CTSD: variants seen among roughly 807,000 people sequenced by gnomAD.
CTSD encodes ceroid-lipofuscinosis, neuronal 10.
In CTSD, 28 loss-of-function variants were observed where a neutral mutation model predicts 43.6. That is an observed-to-expected ratio of 0.64 (90% CI 0.48 to 0.88). The LOEUF is 0.88. Among genes scored for constraint, CTSD ranks in the 40% least tolerant of loss-of-function variants. The pLI is 0.00. For synonymous variants in CTSD, 270 were observed against 249.8 expected, an observed-to-expected ratio of 1.08 and a Z score of -0.76; for missense variants, 485 against 555.2, an observed-to-expected ratio of 0.87 and a Z score of 1.27.
In CTSD at chr11:1,753,687, G is replaced by A. The variant is rs370438082; in HGVS notation, c.1072-17C>T. On this transcript the variant is annotated splice_polypyrimidine_tract_variant and intron_variant, in intron 8 of 8. Coordinates refer to ENST00000236671, the MANE Select transcript of CTSD (RefSeq NM_001909.5). The stretch of plus-strand genomic sequence containing the variant: ...CTGCGACACCTGGGACGGCCCTGGT[G>A]GTCAGTACCCAGGCCTAGCACCACC... 6 of 1,612,256 alleles carry A rather than the reference G, an allele frequency of 3.7e-6. No individual in the cohort carries two copies. In the African/African-American group the frequency reaches 5.3e-5, roughly 14 times the overall value.
In CTSD at chr11:1,759,094, C is replaced by T. The variant is rs1438596750; in HGVS notation, c.353-7G>A. Reference sequence around the variant, plus strand: ...TTGTACTTGTGGTGGATCCCTGCCCCGGGCGACAAGGGGGCCCGCCGGTCA... The same window carrying T: ...TTGTACTTGTGGTGGATCCCTGCCCTGGGCGACAAGGGGGCCCGCCGGTCA... On this transcript the variant is annotated splice_polypyrimidine_tract_variant and splice_region_variant and intron_variant, in intron 3 of 8. Coordinates refer to ENST00000236671, the MANE Select transcript of CTSD (RefSeq NM_001909.5). 4 of 1,606,182 alleles carry T rather than the reference C, an allele frequency of 2.5e-6. No individual in the cohort carries two copies. The highest frequency in any genetic ancestry group is 2.6e-6 in the Non-Finnish European group (3 of 1,172,942).
In CTSD at chr11:1,753,105, C is replaced by T. The variant is rs776662882; in HGVS notation, c.*398G>A. ...CAGGGCAGGTTTCCAAGGGAGGGCC[C>T]GGGAGGACGGCCTGGTGTGGGGTAG... On this transcript the variant is annotated 3_prime_UTR_variant, in exon 9 of 9. Transcript: ENST00000236671. 5.9e-5 allele frequency: 19 copies of T among 319,858 alleles called. No homozygotes were observed. In the East Asian group the frequency reaches 7.1e-4, roughly 12 times the overall value. The allele number at this position is 319,858 out of a possible 1,614,324, so 19.8% of individuals were successfully genotyped here.
chr11:1,761,195 G>C, intron 2 of CTSD, 114 bp downstream of exon 2: 15 of 1,207,946 alleles, frequency 1.2e-5, no homozygotes, highest in Non-Finnish European at 1.8e-5. Context: ...CCGTGGCCAG[G>C]TGAGCCACTC....
intron 5 of CTSD, chr11:1,755,302 C>T (rs1471588203): frequency 1.2e-5 from 6 of 506,632 alleles, no homozygotes; most frequent in African/African-American, 1.2e-4. Context: ...AAGGTTCAGC[C>T]AGACATCAGG....
chr11:1,755,066 C>A (rs1299479280), intron 5 of CTSD, 38 bp from the exon 6 acceptor site: 7 of 1,612,708 alleles, frequency 4.3e-6, no homozygotes, highest in Middle Eastern at 3.3e-4. Context: ...CCACGCCACC[C>A]CCCAAGCACA....
intron 5 of CTSD, among the ~76,000 whole-genome samples, chr11:1,756,986 C>T (rs1164844708): frequency 6.6e-6 from 1 of 152,190 alleles, no homozygotes; most frequent in African/African-American, 2.4e-5. Context: ...GTCTGGGGAC[C>T]GACGGGCCGA....
In CTSD at chr11:1,763,876, T is replaced by C. The variant is rs1234083260; in HGVS notation, c.-17A>G. Reference sequence around the variant, plus strand: ...GGGCTGCATGGCGGCGGCGGCCGGGTCGGAGAGGGTCGCCGAGGCCGTGCG... The same window carrying C: ...GGGCTGCATGGCGGCGGCGGCCGGGCCGGAGAGGGTCGCCGAGGCCGTGCG... On this transcript the variant is annotated 5_prime_UTR_variant, in exon 1 of 9. Coordinates refer to ENST00000236671, the MANE Select transcript of CTSD (RefSeq NM_001909.5). The C allele has an allele frequency of 6.6e-7, 1 of 1,519,766 alleles. No individual in the cohort carries two copies. The allele number at this position is 1,519,766 out of a possible 1,614,324, so 94.1% of individuals were successfully genotyped here. A position where few individuals can be genotyped will look rare whatever the true frequency, so the allele number is the denominator to read the frequency against.
intron 4 of CTSD, 58 bp downstream of exon 4, chr11:1,758,911 G>A: frequency 1.6e-6 from 2 of 1,241,420 alleles, no homozygotes; most frequent in East Asian, 4.6e-5. Flanking sequence ...TACCCACGGT[G>A]GGTGAACCCC....
intron 5 of CTSD, 94 bp downstream of exon 5, chr11:1,757,230 G>A: frequency 9.7e-7 from 1 of 1,032,716 alleles, no homozygotes; most frequent in Non-Finnish European, 1.5e-6. Context: ...CAGCAGGGAG[G>A]GGGCAGCACT....
chr11:1,761,181 G>A (rs1273291837), intron 2 of CTSD, 128 bp downstream of exon 2: 49 of 992,534 alleles, frequency 4.9e-5, no homozygotes, highest in Non-Finnish European at 7.1e-5. Flanking sequence ...GAGCCGGGAC[G>A]CCACCGTGGC....
chr11:1,760,915 T>C, intron 2 of CTSD: 1 of 316,848 alleles, frequency 3.2e-6, no homozygotes, highest in Non-Finnish European at 6.3e-6. Context: ...CAGGAGGGGC[T>C]GTTGCGAGAG....
At chr11:1,754,186 C>G (rs556326445) in intron 6 of CTSD, 48 bp from the exon 7 acceptor site, 2 of 1,587,254 alleles carry the variant, frequency 1.3e-6, no homozygotes, top group East Asian at 2.3e-5. Context: ...GGAGTGTGCC[C>G]TGGGGGCCCA....
chr11:1,756,559 C>T (rs530375685), intron 5 of CTSD, among the ~76,000 whole-genome samples: 4 of 152,344 alleles, frequency 2.6e-5, no homozygotes, highest in African/African-American at 9.6e-5. Context: ...CCAGGCGCAG[C>T]TCAGGGCAGG....
intron 2 of CTSD, 140 bp from the exon 3 acceptor site, chr11:1,759,779 C>T: frequency 1.2e-6 from 1 of 864,022 alleles, no homozygotes; most frequent in Non-Finnish European, 1.7e-6. Flanking sequence ...CCAACAGCCA[C>T]CCACTCCCAC....
chr11:1,752,831 G>C lies in CTSD; in HGVS notation c.*672C>G, dbSNP rs748749217. ...AGCCGCCCAAGGGGAGGACAACAGA[G>C]GTCAGCTGCAGAGGAAGGCTGGCAC... On this transcript the variant is annotated 3_prime_UTR_variant, in exon 9 of 9. Transcript: ENST00000236671. The C allele has an allele frequency of 8.2e-5, 13 of 158,536 alleles. No individual in the cohort carries two copies. The highest frequency in any genetic ancestry group is 2.6e-4 in the African/African-American group (11 of 41,512). 9.8% of individuals were successfully genotyped at this position (158,536 alleles called of 1,614,324 possible). A position where few individuals can be genotyped will look rare whatever the true frequency, so the allele number is the denominator to read the frequency against.
Position 1,759,599 on chromosome 11 carries a change from T to TG in CTSD, c.268dup (p.Gln90ProfsTer50), listed in dbSNP as rs752612332. On this transcript the variant is annotated frameshift_variant, in exon 3 of 9. Coordinates refer to ENST00000236671, the MANE Select transcript of CTSD (RefSeq NM_001909.5). LOFTEE classifies it high-confidence loss of function. ...CGTGTCGAAGACGACTGTGAAGCAC[T>TG]GGGGGGGCGTCCCGATGCCAATCTC... is the stretch of plus-strand genomic sequence containing the variant. 19 of 1,613,148 alleles carry TG rather than the reference T, an allele frequency of 1.2e-5. No homozygotes were observed. Among genetic ancestry groups the TG allele is most frequent in the African/African-American group, 4.0e-5 (3 of 74,890 alleles).
chr11:1,759,624 C>T lies in CTSD; in HGVS notation c.244G>A (p.Glu82Lys). 1 of 1,613,306 alleles carries T rather than the reference C, an allele frequency of 6.2e-7. No homozygotes were observed. The change falls in exon 3 of 9, where the codon GAG becomes AAG. Residue 82 changes from glutamate (E) to lysine (K), a missense_variant. Coordinates refer to ENST00000236671, the MANE Select transcript of CTSD (RefSeq NM_001909.5). Reference protein sequence around the residue: ...KNYMDAQYYGEIGIGTPPQCF... With the variant: ...KNYMDAQYYGKIGIGTPPQCF... ...TGGGGGGGCGTCCCGATGCCAATCTCCCCGTAGTACTGGGCCTGGCAGGGG... is the reference window on the plus strand; with the variant it reads ...TGGGGGGGCGTCCCGATGCCAATCTTCCCGTAGTACTGGGCCTGGCAGGGG...
chr11:1,753,695 C>T, intron 8 of CTSD, 25 bp from the exon 9 acceptor site: 1 of 1,612,054 alleles, frequency 6.2e-7, no homozygotes, highest in South Asian at 1.1e-5. Context: ...GTGGTCAGTA[C>T]CCAGGCCTAG....
chr11:1,763,885 G>C lies in CTSD; in HGVS notation c.-26C>G. ...GGCGGCGGCGGCCGGGTCGGAGAGG[G>C]TCGCCGAGGCCGTGCGCTTATAGCC... On this transcript the variant is annotated 5_prime_UTR_variant, in exon 1 of 9. Coordinates refer to ENST00000236671, the MANE Select transcript of CTSD (RefSeq NM_001909.5). 6.6e-7 allele frequency: 1 copy of C among 1,517,860 alleles called. No individual in the cohort carries two copies. The highest frequency in any genetic ancestry group is 8.8e-7 in the Non-Finnish European group (1 of 1,138,012). The allele number at this position is 1,517,860 out of a possible 1,614,324, so 94.0% of individuals were successfully genotyped here. A position where few individuals can be genotyped will look rare whatever the true frequency, so the allele number is the denominator to read the frequency against.
Sources: gnomAD v4.1 joint callset for allele counts (sites outside exome capture counted in the v4.1 genomes callset) on GRCh38, gnomAD v4.1.1 for gene constraint, MANE v1.5 for transcripts, NCBI Gene and HGNC (gene_info 2026-07-23, HGNC 2026-07-21) for gene names.